RBFOX1: variants seen among roughly 807,000 people sequenced by gnomAD.
RBFOX1 encodes RNA binding fox-1 homolog 1, also known as RNA binding protein fox-1 homolog 1.
A neutral mutation model predicts 57.7 loss-of-function variants in RBFOX1; 8 were observed. The observed-to-expected ratio is 0.14, with a 90% CI of 0.08 to 0.25. The LOEUF is 0.25. Ranked by LOEUF, RBFOX1 falls within the 10% of genes least tolerant of loss-of-function variation. The pLI is 1.00. For missense variants in RBFOX1, 611 were observed against 548.5 expected, an observed-to-expected ratio of 1.11 and a Z score of -1.14; for synonymous variants, 326 against 222.4, an observed-to-expected ratio of 1.47 and a Z score of -4.15.
At chr16:6,769,448 C>T (rs1012027257) in intron 3 of RBFOX1, among the ~76,000 whole-genome samples, 2 of 152,204 alleles carry the variant, frequency 1.3e-5, no homozygotes, top group Admixed American at 6.5e-5. Flanking sequence ...AGCTACATCT[C>T]CACTGCAACA....
At chr16:6,949,036 G>C (rs976795331) in intron 3 of RBFOX1, among the ~76,000 whole-genome samples, 2 of 152,154 alleles carry the variant, frequency 1.3e-5, no homozygotes, top group African/African-American at 4.8e-5. Context: ...CGACTCTATG[G>C]AGTGTGATTC....
At chr16:5,337,721 G>A (rs1800336177) in intron 1 of RBFOX1, among the ~76,000 whole-genome samples, 1 of 152,154 alleles carries the variant, frequency 6.6e-6, no homozygotes, top group Non-Finnish European at 1.5e-5. Flanking sequence ...TGAGCTCTGT[G>A]CCTGTACAGA....
intron 1 of RBFOX1, among the ~76,000 whole-genome samples, chr16:6,219,499 T>TC (rs1297134609): frequency 3.3e-5 from 5 of 152,154 alleles, no homozygotes; most frequent in African/African-American, 1.2e-4. Context: ...TTTCTATTGA[T>TC]CCAGTCGTGG....
chr16:6,253,287 G>A (rs116077217), intron 1 of RBFOX1, among the ~76,000 whole-genome samples: 4,253 of 152,134 alleles, frequency 0.028, 141 homozygotes, highest in African/African-American at 0.079. Flanking sequence ...CTTCATCATC[G>A]CCATCATTTT....
At chr16:7,152,507 C>A (rs193263216) in intron 4 of RBFOX1, among the ~76,000 whole-genome samples, 1 of 152,018 alleles carries the variant, frequency 6.6e-6, no homozygotes, top group Admixed American at 6.6e-5. Flanking sequence ...AAATTGTGGC[C>A]TTATGGTCTG....
chr16:6,813,963 A>G (rs141704598), intron 3 of RBFOX1, among the ~76,000 whole-genome samples: 51 of 152,272 alleles, frequency 3.3e-4, no homozygotes, highest in African/African-American at 1.2e-3. Context: ...AGTCCTTGCT[A>G]CTAACACTCT....
intron 4 of RBFOX1, among the ~76,000 whole-genome samples, chr16:5,948,123 A>G (rs2059442031): frequency 2.6e-5 from 4 of 152,008 alleles, no homozygotes; most frequent in Admixed American, 2.0e-4. Context: ...AGTGCAGTTG[A>G]AACAGGACAG....
intron 4 of RBFOX1, among the ~76,000 whole-genome samples, chr16:7,389,193 A>C (rs764429808): frequency 2.6e-5 from 4 of 152,114 alleles, no homozygotes; most frequent in Non-Finnish European, 5.9e-5. Context: ...TGGTGTGATC[A>C]CAGCTCATGG....
intron 1 of RBFOX1, among the ~76,000 whole-genome samples, chr16:6,294,309 C>G (rs532168625): frequency 6.6e-6 from 1 of 152,168 alleles, no homozygotes; most frequent in African/African-American, 2.4e-5. Flanking sequence ...AGCTTGTAAG[C>G]TTATTAGACT....
intron 1 of RBFOX1, among the ~76,000 whole-genome samples, chr16:6,128,172 C>A (rs1257313498): frequency 6.6e-6 from 1 of 151,934 alleles, no homozygotes; most frequent in African/African-American, 2.4e-5. Context: ...ATTTTTGTAT[C>A]AATTATTCAA....
intron 1 of RBFOX1, among the ~76,000 whole-genome samples, chr16:5,308,073 C>G (rs1043401363): frequency 6.6e-6 from 1 of 152,158 alleles, no homozygotes; most frequent in Non-Finnish European, 1.5e-5. Flanking sequence ...GGTGTAGTGG[C>G]TCACGCTTGT....
chr16:7,511,701 C>A (rs937217092), intron 4 of RBFOX1, among the ~76,000 whole-genome samples: 1 of 152,016 alleles, frequency 6.6e-6, no homozygotes, highest in African/African-American at 2.4e-5. Context: ...GAAAGCTACA[C>A]GTTGGGGTGT....
chr16:7,307,861 A>G (rs2096227619), intron 4 of RBFOX1, among the ~76,000 whole-genome samples: 1 of 152,184 alleles, frequency 6.6e-6, no homozygotes, highest in African/African-American at 2.4e-5. Flanking sequence ...TGTCCAGGGA[A>G]AGTCCCTGCC....
intron 4 of RBFOX1, among the ~76,000 whole-genome samples, chr16:5,977,340 C>G (rs909258865): frequency 1.3e-5 from 2 of 152,138 alleles, no homozygotes; most frequent in African/African-American, 4.8e-5. Flanking sequence ...GCCAGCCCGT[C>G]ATGCAGAGTC....
intron 3 of RBFOX1, among the ~76,000 whole-genome samples, chr16:6,872,642 C>T (rs2061141059): frequency 6.6e-6 from 1 of 152,088 alleles, no homozygotes; most frequent in Admixed American, 6.5e-5. Context: ...GCAGTGGCAA[C>T]GGTTAAAGTA....
Position 5,587,980 on chromosome 16 carries a change from G to A in RBFOX1, c.259-10922G>A, listed in dbSNP as rs987670379. On this transcript the variant is annotated intron_variant, in intron 2 of 2. Coordinates refer to the RBFOX1 transcript ENST00000585867. ...CCTAAATGTCCATCAGCAGATTCGT[G>A]GAAAAACAAAGGTGGTCTCTCTATG... Among the ~76,000 whole-genome samples, 8 of 152,038 alleles carry A rather than the reference G, an allele frequency of 5.3e-5. No individual in the cohort carries two copies. In the Admixed American group the frequency reaches 5.3e-4, roughly 10 times the overall value.
chr16:7,280,023 C>T (rs2095510568), intron 4 of RBFOX1, among the ~76,000 whole-genome samples: 1 of 152,208 alleles, frequency 6.6e-6, no homozygotes, highest in Non-Finnish European at 1.5e-5. Context: ...ACATCACCTG[C>T]TCTGAAGGTG....
At chr16:6,710,856 G>A (rs1365221824) in intron 3 of RBFOX1, among the ~76,000 whole-genome samples, 1 of 152,192 alleles carries the variant, frequency 6.6e-6, no homozygotes, top group South Asian at 2.1e-4. Flanking sequence ...TGAGGAAAAG[G>A]AGGAAAGGGA....
intron 1 of RBFOX1, among the ~76,000 whole-genome samples, chr16:6,259,108 G>A (rs1011653202): frequency 6.6e-6 from 1 of 152,138 alleles, no homozygotes; most frequent in Non-Finnish European, 1.5e-5. Flanking sequence ...ATCTAGAGCT[G>A]AACATTTCAA....
Sources: gnomAD v4.1 joint callset for allele counts (sites outside exome capture counted in the v4.1 genomes callset) on GRCh38, gnomAD v4.1.1 for gene constraint, MANE v1.5 for transcripts, NCBI Gene and HGNC (gene_info 2026-07-23, HGNC 2026-07-21) for gene names.